Variants in CSPG4 observed in about 807,000 individuals in gnomAD.
CSPG4 encodes the protein chondroitin sulfate proteoglycan 4.
A neutral mutation model predicts 139.3 loss-of-function variants in CSPG4; 74 were observed. That is an observed-to-expected ratio of 0.53 (90% CI 0.44 to 0.64). The LOEUF (loss-of-function observed/expected upper bound fraction) is 0.64, where lower values mean the gene tolerates loss of function less well. Ranked by LOEUF, CSPG4 falls within the 30% of genes least tolerant of loss-of-function variation. CSPG4 has a pLI of 0.00. For synonymous variants in CSPG4, 1,234 were observed against 1,394.2 expected, an observed-to-expected ratio of 0.89 and a Z score of 2.56; for missense variants, 2,565 against 3,148.3, an observed-to-expected ratio of 0.81 and a Z score of 4.43.
At chr15:75,682,801 C>T in intron 6 of CSPG4, 42 bp downstream of exon 6, 2 of 1,606,894 alleles carry the variant, frequency 1.2e-6, no homozygotes, top group East Asian at 4.5e-5. Flanking sequence ...CAGGGCACCC[C>T]CGTGGGCAGC....
chr15:75,685,419 T>C lies in CSPG4; in HGVS notation c.4072A>G (p.Ile1358Val). 1 of 1,612,132 alleles carries C rather than the reference T, an allele frequency of 6.2e-7. No individual in the cohort carries two copies. Among genetic ancestry groups the C allele is most frequent in the East Asian group, 2.2e-5 (1 of 44,860 alleles). Residue 1358 changes from isoleucine to valine, a missense_variant, in exon 4 of 10, where the codon ATC becomes GTC. Transcript: ENST00000308508. ...LVELEVLPAA[I>V]PLEAQNFSVP... ...CTGAAGTTTTGCGCCTCTAGTGGGA[T>C]GGCAGCGGGCAGCACCTCCAGCTCC...
In CSPG4 at chr15:75,689,501, C is replaced by T. The variant is rs200961060; in HGVS notation, c.1564G>A (p.Val522Met). ...EDTSDQLVLEVSVTARVPMPS... is the reference protein window; with the variant it reads ...EDTSDQLVLEMSVTARVPMPS... ...ATGGGCACCCGAGCCGTCACCGACA[C>T]CTCCAGCACCAGCTGGTCGGAGGTG... Residue 522 changes from valine (V) to methionine (M), a missense_variant, in exon 3 of 10, where the codon GTG becomes ATG. Around this residue, in one of 5 missense-constraint regions of CSPG4, gnomAD observed 2,316 missense variants for 2,818.2 expected, o/e 0.82. Transcript: ENST00000308508. 1.6e-5 allele frequency: 26 copies of T among 1,597,488 alleles called. No homozygotes were observed. Among genetic ancestry groups the T allele is most frequent in the Non-Finnish European group, 1.9e-5 (22 of 1,176,104 alleles).
At chr15:75,704,867 A>T (rs372197419) in intron 1 of CSPG4, among the ~76,000 whole-genome samples, 1 of 152,314 alleles carries the variant, frequency 6.6e-6, no homozygotes, top group East Asian at 1.9e-4. Flanking sequence ...TGGTGGTAAC[A>T]GCCCCATGGT....
chr15:75,690,511 G>T lies in CSPG4; in HGVS notation c.554C>A (p.Thr185Asn), dbSNP rs1256676012. 1.2e-6 allele frequency: 2 copies of T among 1,609,762 alleles called. No individual in the cohort carries two copies. Among genetic ancestry groups the T allele is most frequent in the Non-Finnish European group, 1.7e-6 (2 of 1,179,094 alleles). Reference protein sequence around the residue: ...LNGRSLLRPLTPDVHEGCAEE... With the variant: ...LNGRSLLRPLNPDVHEGCAEE... ...AGCACAGCCCTCATGCACATCGGGG[G>T]TCAGAGGCCGGAGGAGGCTGCGGCC... Residue 185 changes from threonine (T) to asparagine (N), a missense_variant, in exon 3 of 10, where the codon ACC becomes AAC. By Grantham distance (65) the Thr-to-Asn change is moderately conservative. Around this residue, in one of 5 missense-constraint regions of CSPG4, gnomAD observed 132 missense variants for 132.3 expected, o/e 1.00. Coordinates refer to ENST00000308508, the MANE Select transcript of CSPG4 (RefSeq NM_001897.5).
rs1893904593 is a variant in CSPG4, at chr15:75,677,071, T to A, written c.5448A>T (p.Gln1816His). ...GPAGASVAGPQTSEAFAITVR... is the reference protein window; with the variant it reads ...GPAGASVAGPHTSEAFAITVR... ...CCGTGATGGCAAAGGCCTCTGAGGTTTGGGGTCCAGCCACGGAGGCCCCTG... is the reference window on the plus strand; with the variant it reads ...CCGTGATGGCAAAGGCCTCTGAGGTATGGGGTCCAGCCACGGAGGCCCCTG... Residue 1816 changes from glutamine to histidine, a missense_variant, in exon 10 of 10, where the codon CAA becomes CAT. Physicochemically the swap from Gln to His is conservative, Grantham distance 24. This residue lies in a region of CSPG4 where 2,316 missense variants were observed against 2,818.2 expected (regional missense o/e 0.82). Coordinates refer to ENST00000308508, the MANE Select transcript of CSPG4 (RefSeq NM_001897.5). The A allele has an allele frequency of 7.1e-7, 1 of 1,414,852 alleles. No homozygotes were observed. The highest frequency in any genetic ancestry group is 1.5e-5 in the African/African-American group (1 of 68,854). 87.6% of individuals were successfully genotyped at this position (1,414,852 alleles called of 1,614,324 possible). A position where few individuals can be genotyped will look rare whatever the true frequency, so the allele number is the denominator to read the frequency against.
Position 75,675,400 on chromosome 15 carries a change from G to T in CSPG4, c.*150C>A. On this transcript the variant is annotated 3_prime_UTR_variant, in exon 10 of 10. Coordinates refer to ENST00000308508, the MANE Select transcript of CSPG4 (RefSeq NM_001897.5). ...GACTCCACTCTGTCCCGGACCCCTGGGACTATCTCCCAGGACCCTCCACCC... is the reference window on the plus strand; with the variant it reads ...GACTCCACTCTGTCCCGGACCCCTGTGACTATCTCCCAGGACCCTCCACCC... 1 of 818,406 alleles carries T rather than the reference G, an allele frequency of 1.2e-6. No homozygotes were observed. The highest frequency in any genetic ancestry group is 1.7e-6 in the Non-Finnish European group (1 of 600,598). 50.7% of individuals were successfully genotyped at this position (818,406 alleles called of 1,614,324 possible).
Position 75,685,270 on chromosome 15 carries a change from C to T in CSPG4, c.4221G>A (p.Gln1407=), listed in dbSNP as rs1894038096. ...VLEPPQHGAL[Q]KEDGPQARTL... ...TCCTGGCTTGAGGTCCGTCCTCCTT[C>T]TGCAGGGCTCCATGCTGGGGTGGCT... is the stretch of plus-strand genomic sequence containing the variant. The change falls in exon 4 of 10, where the codon CAG becomes CAA. Residue 1407 remains glutamine (Q), a synonymous_variant. Coordinates refer to ENST00000308508, the MANE Select transcript of CSPG4 (RefSeq NM_001897.5). 1.9e-6 allele frequency: 3 copies of T among 1,557,450 alleles called. No individual in the cohort carries two copies. The highest frequency in any genetic ancestry group is 2.3e-5 in the East Asian group (1 of 44,278).
intron 1 of CSPG4, among the ~76,000 whole-genome samples, chr15:75,704,517 A>G (rs1403377761): frequency 1.3e-5 from 2 of 152,108 alleles, no homozygotes; most frequent in Non-Finnish European, 2.9e-5. Flanking sequence ...TTCCATTAAA[A>G]CATGTGGGTG....
chr15:75,691,989 GT>G (rs904603062), intron 2 of CSPG4, among the ~76,000 whole-genome samples: 2 of 150,968 alleles, frequency 1.3e-5, no homozygotes, highest in Admixed American at 6.6e-5. Context: ...CCCCAAATTT[GT>G]TTTTTTTTGA....
At chr15:75,710,673 T>C (rs1273903135) in intron 1 of CSPG4, among the ~76,000 whole-genome samples, 2 of 152,018 alleles carry the variant, frequency 1.3e-5, no homozygotes, top group Non-Finnish European at 1.5e-5. Flanking sequence ...CACGCCTCAT[T>C]CGGATACGGG....
intron 3 of CSPG4, among the ~76,000 whole-genome samples, chr15:75,686,506 C>G (rs994782877): frequency 6.6e-6 from 1 of 151,354 alleles, no homozygotes; most frequent in Non-Finnish European, 1.5e-5. Flanking sequence ...AAACCACCCC[C>G]CAAACTCACA....
rs911545147 is a variant in CSPG4, at chr15:75,696,006, T to C, written c.89-2773A>G. ...GGATGGAGGAGGTTGTGGGGAGACA[T>C]TGGCACAGGCTGGATCAGACCTGCC... On this transcript the variant is annotated intron_variant, in intron 1 of 9. Coordinates refer to ENST00000308508, the MANE Select transcript of CSPG4 (RefSeq NM_001897.5). This position sits in a 1 kb window ranked among gnomAD's most constrained non-coding sequence, Gnocchi z 4.2. Among the ~76,000 whole-genome samples the C allele has an allele frequency of 1.6e-4, 25 of 152,016 alleles. No individual in the cohort carries two copies. The highest frequency in any genetic ancestry group is 5.8e-4 in the African/African-American group (24 of 41,390).
Position 75,676,543 on chromosome 15 carries a change from C to T in CSPG4, c.5976G>A (p.Val1992=). ...TGAAGGCCGAGGTGGGCCGCCCGCCCACCAGGAGATGCCCATACTGGGGTC... is the reference window on the plus strand; with the variant it reads ...TGAAGGCCGAGGTGGGCCGCCCGCCTACCAGGAGATGCCCATACTGGGGTC... ...IQGPQYGHLL[V]GGRPTSAFSQ... Residue 1992 remains valine (V), a synonymous_variant, in exon 10 of 10, where the codon GTG becomes GTA. Coordinates refer to ENST00000308508, the MANE Select transcript of CSPG4 (RefSeq NM_001897.5). The T allele has an allele frequency of 6.2e-7, 1 of 1,613,772 alleles. No homozygotes were observed. The highest frequency in any genetic ancestry group is 1.1e-5 in the South Asian group (1 of 91,088).
chr15:75,698,553 A>G lies in CSPG4; in HGVS notation c.89-5320T>C, dbSNP rs1479490551. ...CAGGGCATGGGTGAGTGTGTGCAGG[A>G]ATGTGGGTCAGTGTCACATGTACAC... On this transcript the variant is annotated intron_variant, in intron 1 of 9. Coordinates refer to ENST00000308508, the MANE Select transcript of CSPG4 (RefSeq NM_001897.5). The surrounding 1 kb of genome is among the most constrained non-coding windows in gnomAD (Gnocchi z 4.3). Among the ~76,000 whole-genome samples the G allele has an allele frequency of 6.6e-6, 1 of 151,930 alleles. No homozygotes were observed. The highest frequency in any genetic ancestry group is 1.5e-5 in the Non-Finnish European group (1 of 67,972).
At chr15:75,704,874 T>C (rs1247051586) in intron 1 of CSPG4, among the ~76,000 whole-genome samples, 2 of 152,148 alleles carry the variant, frequency 1.3e-5, no homozygotes, top group Non-Finnish European at 2.9e-5. Context: ...AACAGCCCCA[T>C]GGTGACTCTG....
intron 1 of CSPG4, among the ~76,000 whole-genome samples, chr15:75,695,514 CA>C (rs1235388156): frequency 6.6e-6 from 1 of 152,196 alleles, no homozygotes; most frequent in Non-Finnish European, 1.5e-5. Context: ...CCCCCCACCC[CA>C]ACAGAGGCCT....
In CSPG4 at chr15:75,677,059, G is replaced by C; in HGVS notation, c.5460C>G (p.Ala1820=). 7.0e-7 allele frequency: 1 copy of C among 1,418,856 alleles called. No homozygotes were observed. Among genetic ancestry groups the C allele is most frequent in the Non-Finnish European group, 9.3e-7 (1 of 1,080,338 alleles). 87.9% of individuals were successfully genotyped at this position (1,418,856 alleles called of 1,614,324 possible). A position where few individuals can be genotyped will look rare whatever the true frequency, so the allele number is the denominator to read the frequency against. The change falls in exon 10 of 10, where the codon GCC becomes GCG. Residue 1820 remains alanine, a synonymous_variant. Coordinates refer to ENST00000308508, the MANE Select transcript of CSPG4 (RefSeq NM_001897.5). ...ASVAGPQTSE[A]FAITVRDVNE... ...TTACATCCCTCACCGTGATGGCAAA[G>C]GCCTCTGAGGTTTGGGGTCCAGCCA...
intron 8 of CSPG4, among the ~76,000 whole-genome samples, chr15:75,681,354 G>A (rs74026524): frequency 7.9e-5 from 3 of 37,966 alleles, no homozygotes; most frequent in African/African-American, 2.1e-4. Flanking sequence ...AGTCCCTGCC[G>A]AGCTAGGAAA....
chr15:75,685,642 A>C lies in CSPG4; in HGVS notation c.3849T>G (p.Ser1283Arg). ...DIVFSVKSPP[S>R]AGYLVMVSRG... ...GCGACACCATCACCAGGTAGCCGGC[A>C]CTCGGTGGGCTCTTCACTGAGAATA... The change falls in exon 4 of 10, where the codon AGT (serine) becomes AGG (arginine). Residue 1283 changes from serine to arginine, a missense_variant. Around this residue, in one of 5 missense-constraint regions of CSPG4, gnomAD observed 2,316 missense variants for 2,818.2 expected, o/e 0.82. Coordinates refer to ENST00000308508, the MANE Select transcript of CSPG4 (RefSeq NM_001897.5). The C allele has an allele frequency of 1.9e-6, 3 of 1,608,170 alleles. No homozygotes were observed. Among genetic ancestry groups the C allele is most frequent in the Non-Finnish European group, 2.5e-6 (3 of 1,179,428 alleles).
Sources: gnomAD v4.1 joint callset for allele counts (sites outside exome capture counted in the v4.1 genomes callset) on GRCh38, gnomAD v4.1.1 for gene constraint, gnomAD v4.1.1 regional missense constraint, Gnocchi (gnomAD v3.1) non-coding constraint, MANE v1.5 for transcripts, NCBI Gene and HGNC (gene_info 2026-07-23, HGNC 2026-07-21) for gene names.